TMEM181: variants seen among roughly 807,000 people sequenced by gnomAD.
TMEM181 encodes the protein transmembrane protein 181, also known as G protein-coupled receptor 178.
TMEM181 carries 39 observed loss-of-function variants against 71.9 expected under a neutral mutation model. That is an observed-to-expected ratio of 0.54 (90% CI 0.42 to 0.71). TMEM181 has a LOEUF of 0.71. Ranked by LOEUF, TMEM181 falls within the 30% of genes least tolerant of loss-of-function variation. The pLI is 0.00. For missense variants in TMEM181, 595 were observed against 583.0 expected, an observed-to-expected ratio of 1.02 and a Z score of -0.21; for synonymous variants, 245 against 228.8, an observed-to-expected ratio of 1.07 and a Z score of -0.64.
chr6:158,574,542 C>T (rs1783055027), intron 2 of TMEM181, among the ~76,000 whole-genome samples: 1 of 152,140 alleles, frequency 6.6e-6, no homozygotes, highest in Admixed American at 6.5e-5. Flanking sequence ...TTATTTTAAG[C>T]CACTCTTCTG....
chr6:158,564,571 A>G (rs1326168746), intron 1 of TMEM181, among the ~76,000 whole-genome samples: 2 of 152,238 alleles, frequency 1.3e-5, no homozygotes, highest in Admixed American at 6.5e-5. Flanking sequence ...TAGAGGAGAA[A>G]AAGCACAGCC....
At chr6:158,573,227 C>A (rs1782974695) in intron 1 of TMEM181, among the ~76,000 whole-genome samples, 193 bp from the exon 2 acceptor site, 1 of 152,166 alleles carries the variant, frequency 6.6e-6, no homozygotes, top group South Asian at 2.1e-4. Context: ...CAGGAACGCG[C>A]AGCTCCTGAA....
intron 10 of TMEM181, among the ~76,000 whole-genome samples, chr6:158,618,655 C>T (rs2128324675): frequency 6.6e-6 from 1 of 152,282 alleles, no homozygotes; most frequent in Non-Finnish European, 1.5e-5. Context: ...ATGTTTAGTG[C>T]TTCCTTCAGG....
intron 2 of TMEM181, among the ~76,000 whole-genome samples, chr6:158,575,570 G>A (rs771887269): frequency 2.6e-5 from 4 of 152,178 alleles, no homozygotes; most frequent in Non-Finnish European, 5.9e-5. Context: ...CGCCTGCCTC[G>A]ACCTCCCAAA....
chr6:158,573,634 G>C, intron 2 of TMEM181, 111 bp downstream of exon 2: 3 of 892,994 alleles, frequency 3.4e-6, no homozygotes, highest in Non-Finnish European at 5.2e-6. Context: ...GGGCCCCAGC[G>C]TGGAGGGAGA....
chr6:158,625,853 T>C (rs1786246019), intron 13 of TMEM181, 99 bp downstream of exon 13: 2 of 1,107,522 alleles, frequency 1.8e-6, no homozygotes, highest in Admixed American at 2.3e-5. Context: ...TTCAGGGTAC[T>C]TCTAGCCCAG....
In TMEM181 at chr6:158,600,458, A is replaced by ATT. The variant is rs61457107; in HGVS notation, c.493-4782_493-4781dup. ...AGTCACCGTGCCTGGCCTAGGGTTA[A>ATT]TTTTTTTTTTTTTTTTTTTTTTTTT... On this transcript the variant is annotated intron_variant, in intron 6 of 16. Transcript: ENST00000684151. 1.2e-4 allele frequency among the ~76,000 whole-genome samples: 11 copies of ATT among 91,850 alleles called. 1 individual carries two copies. Among genetic ancestry groups the ATT allele is most frequent in the South Asian group, 8.2e-4 (2 of 2,446 alleles). 60.3% of individuals were successfully genotyped at this position (91,850 alleles called of 152,430 possible).
intron 6 of TMEM181, among the ~76,000 whole-genome samples, chr6:158,595,983 G>A (rs372011997): frequency 3.3e-5 from 5 of 151,972 alleles, no homozygotes; most frequent in Admixed American, 6.6e-5. Flanking sequence ...GTGCAGTGGC[G>A]CGATCTCGGC....
intron 1 of TMEM181, among the ~76,000 whole-genome samples, chr6:158,544,288 C>T (rs1781455133): frequency 6.7e-6 from 1 of 149,934 alleles, no homozygotes; most frequent in Non-Finnish European, 1.5e-5. Context: ...GCTGTTGGGT[C>T]AGAGATATGG....
At chr6:158,576,162 GA>G (rs1365999275) in intron 2 of TMEM181, among the ~76,000 whole-genome samples, 2 of 152,192 alleles carry the variant, frequency 1.3e-5, no homozygotes, top group Non-Finnish European at 2.9e-5. Context: ...ACTTCGAAGG[GA>G]ATGCTTGTAC....
At chr6:158,623,429 C>G (rs550102353) in intron 10 of TMEM181, 121 bp from the exon 11 acceptor site, 4 of 573,304 alleles carry the variant, frequency 7.0e-6, no homozygotes, top group Admixed American at 3.6e-5. Flanking sequence ...AAATCCTTCA[C>G]TGTTGGTAGG....
intron 6 of TMEM181, among the ~76,000 whole-genome samples, chr6:158,603,434 C>T (rs955008694): frequency 3.3e-5 from 5 of 152,172 alleles, no homozygotes; most frequent in Admixed American, 2.0e-4. Flanking sequence ...AGAGCTCAGG[C>T]GGTAATGCTC....
At chr6:158,623,508 G>C (rs762327253) in intron 10 of TMEM181, 42 bp from the exon 11 acceptor site, 4 of 1,265,042 alleles carry the variant, frequency 3.2e-6, no homozygotes, top group Non-Finnish European at 4.3e-6. Context: ...AAAAAGTAAA[G>C]GTAGTTATTA....
intron 10 of TMEM181, chr6:158,611,564 T>A (rs1407953832): frequency 7.4e-6 from 3 of 403,846 alleles, no homozygotes; most frequent in Non-Finnish European, 1.5e-5. Flanking sequence ...AGCTGCAGGC[T>A]TCCTTTTCTA....
chr6:158,541,773 CT>C (rs1329063998), intron 1 of TMEM181, among the ~76,000 whole-genome samples: 1 of 152,104 alleles, frequency 6.6e-6, no homozygotes, highest in Admixed American at 6.6e-5. Context: ...AGGGCCTCAT[CT>C]TTTCTCCTTG....
upstream of TMEM181, among the ~76,000 whole-genome samples, chr6:158,556,318 TC>T (rs1438527867): frequency 6.6e-6 from 1 of 152,206 alleles, no homozygotes; most frequent in African/African-American, 2.4e-5. Context: ...GTTCTAAGAA[TC>T]ATCACTTCCT....
At chr6:158,571,127 C>T (rs7741365) in intron 1 of TMEM181, among the ~76,000 whole-genome samples, 8,941 of 150,914 alleles carry the variant, frequency 0.059, 657 homozygotes, top group African/African-American at 0.16. Flanking sequence ...GATGGAGTCT[C>T]GTTCTGTTGC....
In TMEM181 at chr6:158,635,305, A is replaced by AC. The variant is rs1786896993; in HGVS notation, c.*3421dup. The AC allele has an allele frequency of 6.6e-6, 1 of 152,214 alleles. No individual in the cohort carries two copies. Among genetic ancestry groups the AC allele is most frequent in the African/African-American group, 2.4e-5 (1 of 41,442 alleles). The allele number at this position is 152,214 out of a possible 1,614,324, so 9.4% of individuals were successfully genotyped here. A position where few individuals can be genotyped will look rare whatever the true frequency, so the allele number is the denominator to read the frequency against. ...GGACCTGTCCGTGGGGCACAGTGCC[A>AC]CCCCATCACAGTGTTGCTGTCATCA... On this transcript the variant is annotated 3_prime_UTR_variant, in exon 17 of 17. Coordinates refer to ENST00000684151, the MANE Select transcript of TMEM181 (RefSeq NM_001376852.1).
At chr6:158,571,874 TGA>T (rs1562627513) in intron 1 of TMEM181, among the ~76,000 whole-genome samples, 1 of 152,204 alleles carries the variant, frequency 6.6e-6, no homozygotes, top group Non-Finnish European at 1.5e-5. Flanking sequence ...TTGAAGGTGT[TGA>T]GTTTGCTCCC....
Sources: gnomAD v4.1 joint callset for allele counts (sites outside exome capture counted in the v4.1 genomes callset) on GRCh38, gnomAD v4.1.1 for gene constraint, MANE v1.5 for transcripts, NCBI Gene and HGNC (gene_info 2026-07-23, HGNC 2026-07-21) for gene names.